EXOC4: variants seen among roughly 807,000 people sequenced by gnomAD.
EXOC4 encodes the protein exocyst complex component 4.
In EXOC4, 71 loss-of-function variants were observed where a neutral mutation model predicts 107.2. That is an observed-to-expected ratio of 0.66 (90% confidence interval 0.55 to 0.81). The LOEUF (loss-of-function observed/expected upper bound fraction) is 0.81, where lower values mean the gene tolerates loss of function less well. Ranked by LOEUF, EXOC4 falls within the 30% of genes least tolerant of loss-of-function variation. The pLI is 0.00. For synonymous variants in EXOC4, 456 were observed against 441.2 expected (o/e 1.03, Z -0.42); for missense variants, 1,108 against 1,189.6 (o/e 0.93, Z 1.01).
intron 11 of EXOC4, among the ~76,000 whole-genome samples, chr7:133,838,747 A>G (rs1035083079): frequency 2.6e-5 from 4 of 152,214 alleles, no homozygotes; most frequent in African/African-American, 9.6e-5. Flanking sequence ...ATAGAGCCAG[A>G]AAGTTAATAT....
chr7:133,997,396 C>T, intron 14 of EXOC4, 96 bp from the exon 15 acceptor site: 1 of 1,374,310 alleles, frequency 7.3e-7, no homozygotes, highest in South Asian at 1.3e-5. Context: ...GTTAACCAAG[C>T]TAGTAAAAAC....
intron 5 of EXOC4, among the ~76,000 whole-genome samples, chr7:133,329,141 T>C (rs908369747): frequency 2.0e-5 from 3 of 152,206 alleles, no homozygotes; most frequent in Non-Finnish European, 4.4e-5. Context: ...CCCTCCAATC[T>C]TGTCTTCTTG....
At chr7:134,056,146 A>G (rs1182302127) in intron 17 of EXOC4, among the ~76,000 whole-genome samples, 1 of 152,204 alleles carries the variant, frequency 6.6e-6, no homozygotes. Context: ...AGTATATAAT[A>G]CAATGTCCTT....
intron 5 of EXOC4, among the ~76,000 whole-genome samples, chr7:133,326,441 C>G (rs1275578473): frequency 1.3e-5 from 2 of 152,224 alleles, no homozygotes; most frequent in Non-Finnish European, 2.9e-5. Flanking sequence ...GGACCCTGAG[C>G]TGCAGGTCTA....
At chr7:133,421,776 C>A (rs956007212) in intron 7 of EXOC4, among the ~76,000 whole-genome samples, 1 of 152,296 alleles carries the variant, frequency 6.6e-6, no homozygotes, top group South Asian at 2.1e-4. Flanking sequence ...TTTTAAAAAT[C>A]TCCTAACTAC....
intron 4 of EXOC4, among the ~76,000 whole-genome samples, chr7:133,306,496 A>G (rs1794757022): frequency 6.6e-6 from 1 of 152,112 alleles, no homozygotes; most frequent in Non-Finnish European, 1.5e-5. Flanking sequence ...CCAAGAGTTC[A>G]AGACCAGCAT....
intron 10 of EXOC4, among the ~76,000 whole-genome samples, chr7:133,753,218 A>G (rs1272523445): frequency 3.3e-5 from 5 of 152,220 alleles, no homozygotes; most frequent in African/African-American, 1.2e-4. Flanking sequence ...CATTAGGAAT[A>G]GGAATGGGAA....
At chr7:133,471,286 CCTGTAATCCCTG>C (rs1798870977) in intron 7 of EXOC4, among the ~76,000 whole-genome samples, 1 of 151,958 alleles carries the variant, frequency 6.6e-6, no homozygotes, top group Non-Finnish European at 1.5e-5. Flanking sequence ...GTGGCAGGTG[CCTGTAATCCCTG>C]CTACTCGGGA....
intron 4 of EXOC4, among the ~76,000 whole-genome samples, chr7:133,310,162 T>G (rs1794838261): frequency 6.6e-6 from 1 of 152,192 alleles, no homozygotes; most frequent in Non-Finnish European, 1.5e-5. Flanking sequence ...ATATGTATAT[T>G]TAAAAATCAA....
chr7:133,816,013 C>A (rs1799043728), intron 10 of EXOC4, among the ~76,000 whole-genome samples: 1 of 152,188 alleles, frequency 6.6e-6, no homozygotes, highest in Non-Finnish European at 1.5e-5. Flanking sequence ...TTGCTTTGCT[C>A]CCTGTCCATG....
At chr7:133,522,031 A>G (rs1799991277) in intron 9 of EXOC4, among the ~76,000 whole-genome samples, 1 of 151,808 alleles carries the variant, frequency 6.6e-6, no homozygotes, top group South Asian at 2.1e-4. Context: ...ACTCCTGTTT[A>G]TTAAATCAAA....
chr7:133,317,237 A>T, intron 4 of EXOC4, 47 bp from the exon 5 acceptor site: 2 of 1,350,694 alleles, frequency 1.5e-6, no homozygotes, highest in South Asian at 1.2e-5. Context: ...GGAGGACTTT[A>T]GTTGGTTTTG....
intron 7 of EXOC4, among the ~76,000 whole-genome samples, chr7:133,395,188 TC>T (rs1796944248): frequency 6.6e-6 from 1 of 151,812 alleles, no homozygotes; most frequent in Non-Finnish European, 1.5e-5. Flanking sequence ...AAATGCAACT[TC>T]CTGATGTGAA....
At chr7:133,419,292 A>G (rs1054040533) in intron 7 of EXOC4, among the ~76,000 whole-genome samples, 43 of 152,150 alleles carry the variant, frequency 2.8e-4, no homozygotes, top group African/African-American at 9.4e-4. Flanking sequence ...AAAAAATGTC[A>G]AGGAAGAGGA....
intron 17 of EXOC4, among the ~76,000 whole-genome samples, chr7:134,056,149 A>G (rs1386185416): frequency 6.6e-6 from 1 of 152,206 alleles, no homozygotes; most frequent in African/African-American, 2.4e-5. Flanking sequence ...ATATAATACA[A>G]TGTCCTTTTT....
intron 9 of EXOC4, among the ~76,000 whole-genome samples, chr7:133,529,139 C>G (rs1434909556): frequency 6.6e-6 from 1 of 152,118 alleles, no homozygotes; most frequent in Non-Finnish European, 1.5e-5. Flanking sequence ...TCTATTGGCC[C>G]CATTGCCACT....
At chr7:133,567,889 G>A (rs1259309513) in intron 9 of EXOC4, among the ~76,000 whole-genome samples, 1 of 152,256 alleles carries the variant, frequency 6.6e-6, no homozygotes, top group South Asian at 2.1e-4. Context: ...CCTCTTGAAG[G>A]TTCTACCTGT....
At chr7:133,817,302 C>G in intron 10 of EXOC4, 23 bp from the exon 11 acceptor site, 2 of 1,543,428 alleles carry the variant, frequency 1.3e-6, no homozygotes, top group Non-Finnish European at 1.8e-6. Flanking sequence ...AATTTAATAA[C>G]CTTCTTACTG....
At chr7:134,043,610 GGATA>G (rs139402430) in intron 17 of EXOC4, among the ~76,000 whole-genome samples, 12,549 of 152,180 alleles carry the variant, frequency 0.082, 703 homozygotes, top group Middle Eastern at 0.14. Context: ...GGTCCTCCAG[GGATA>G]GCAGTTTCTT....
Sources: allele counts gnomAD v4.1 joint callset (sites outside exome capture counted in the v4.1 genomes callset), GRCh38; gene constraint gnomAD v4.1.1; transcripts MANE v1.5; gene names NCBI Gene and HGNC (gene_info 2026-07-23, HGNC 2026-07-21).